DROSHA: variants seen among roughly 807,000 people sequenced by gnomAD.
The protein encoded by DROSHA is drosha ribonuclease III.
DROSHA carries 56 observed loss-of-function variants against 181.9 expected under a neutral mutation model. The ratio of observed to expected loss-of-function variants is 0.31; its 90% CI spans 0.25 to 0.38. The LOEUF (loss-of-function observed/expected upper bound fraction) is 0.38, where lower values mean the gene tolerates loss of function less well. DROSHA is among the 10% of genes least tolerant of loss of function. DROSHA has a pLI of 1.00. For missense variants in DROSHA, 1,218 were observed against 1,743.5 expected (o/e 0.70, Z 5.37); for synonymous variants, 524 against 591.2 (o/e 0.89, Z 1.65).
rs148292550 is a variant in DROSHA, at chr5:31,482,262, G to A, written c.2071+1292C>T. Among the ~76,000 whole-genome samples the A allele has an allele frequency of 4.0e-3, 609 of 152,260 alleles. 4 individuals are homozygous for A. Among genetic ancestry groups the A allele is most frequent in the African/African-American group, 0.014 (582 of 41,562 alleles). On this transcript the variant is annotated intron_variant, in intron 16 of 35. Coordinates refer to ENST00000344624, the MANE Select transcript of DROSHA (RefSeq NM_001382508.1). ...AGTATTACTGAGTGGCCCATATATA[G>A]AAGAAAAGGCAAGCAGTTGGATTGA...
chr5:31,409,398 C>T lies in DROSHA; in HGVS notation c.3668-66G>A, dbSNP rs1165190125. 4 of 1,483,596 alleles carry T rather than the reference C, an allele frequency of 2.7e-6. No individual in the cohort carries two copies. The highest frequency in any genetic ancestry group is 3.6e-6 in the Non-Finnish European group (4 of 1,103,460). 91.9% of individuals were successfully genotyped at this position (1,483,596 alleles called of 1,614,324 possible). ...GCCATCTATCAGAAAGAGTAAGAGA[C>T]CTAGACCTTTAAGCAAAATTTTAGT... On this transcript the variant is annotated intron_variant, in intron 31 of 35. Coordinates refer to ENST00000344624, the MANE Select transcript of DROSHA (RefSeq NM_001382508.1). This position sits in a 1 kb window ranked among gnomAD's most constrained non-coding sequence, Gnocchi z 4.0.
chr5:31,505,053 G>A (rs754643055), intron 10 of DROSHA, among the ~76,000 whole-genome samples: 3 of 152,174 alleles, frequency 2.0e-5, no homozygotes, highest in Non-Finnish European at 4.4e-5. Context: ...GTTTCAAAAA[G>A]AGAAACTGTA....
chr5:31,531,542 G>A lies in DROSHA; in HGVS notation c.-249-17C>T, dbSNP rs764113753. 1 of 152,100 alleles carries A rather than the reference G, an allele frequency of 6.6e-6. No homozygotes were observed. The highest frequency in any genetic ancestry group is 6.5e-5 in the Admixed American group (1 of 15,272). The allele number at this position is 152,100 out of a possible 1,614,324, so 9.4% of individuals were successfully genotyped here. A position where few individuals can be genotyped will look rare whatever the true frequency, so the allele number is the denominator to read the frequency against. On this transcript the variant is annotated splice_polypyrimidine_tract_variant and intron_variant, in intron 1 of 35. Transcript: ENST00000344624. ...AGGAGCTGTCTTGAATAGTTAACAC[G>A]GCCAGAACGTCAGTGCATGTAAAAA...
intron 30 of DROSHA, among the ~76,000 whole-genome samples, chr5:31,413,165 G>A (rs757496746): frequency 2.6e-4 from 39 of 152,160 alleles, no homozygotes; most frequent in Non-Finnish European, 3.4e-4. Context: ...GGTGAAGGAG[G>A]AAAGCAGTGA....
chr5:31,502,952 C>G (rs188069537), intron 11 of DROSHA, among the ~76,000 whole-genome samples: 2 of 152,234 alleles, frequency 1.3e-5, no homozygotes, highest in East Asian at 3.9e-4. Context: ...AGTGACCATG[C>G]TTGCTGGTCA....
At position 31,470,438 on chromosome 5, in the gene DROSHA, C is replaced by T. The variant is rs771547400; in HGVS notation, c.2241+1625G>A. Among the ~76,000 whole-genome samples the T allele has an allele frequency of 1.3e-5, 2 of 151,800 alleles. No individual in the cohort carries two copies. Among genetic ancestry groups the T allele is most frequent in the African/African-American group, 2.4e-5 (1 of 41,312 alleles). On this transcript the variant is annotated intron_variant, in intron 17 of 35. Transcript: ENST00000344624. This position sits in a 1 kb window ranked among gnomAD's most constrained non-coding sequence, Gnocchi z 4.0. ...GCAAGCATCATACATTAGTTTGGTGCAAAAATAGTTGCGGTATGGCAGACC... is the reference window on the plus strand; with the variant it reads ...GCAAGCATCATACATTAGTTTGGTGTAAAAATAGTTGCGGTATGGCAGACC...
intron 20 of DROSHA, among the ~76,000 whole-genome samples, chr5:31,463,815 T>C (rs1371974873): frequency 6.6e-6 from 1 of 152,180 alleles, no homozygotes; most frequent in African/African-American, 2.4e-5. Context: ...GCAATATAAA[T>C]TGCAATGTAA....
chr5:31,506,049 G>A (rs560094551), intron 10 of DROSHA, among the ~76,000 whole-genome samples: 10 of 152,262 alleles, frequency 6.6e-5, no homozygotes, highest in African/African-American at 2.2e-4. Flanking sequence ...AATAAGAGAC[G>A]TAACAGGATT....
chr5:31,438,316 G>A (rs1745139664), intron 23 of DROSHA, among the ~76,000 whole-genome samples: 2 of 152,176 alleles, frequency 1.3e-5, no homozygotes, highest in South Asian at 2.1e-4. Flanking sequence ...GAGAAGCACT[G>A]TGGAGAGGCT....
At chr5:31,466,432 A>G (rs1048683728) in intron 18 of DROSHA, 151 bp from the exon 19 acceptor site, 10 of 658,958 alleles carry the variant, frequency 1.5e-5, no homozygotes, top group Non-Finnish European at 2.3e-5. Context: ...AAGGAAGGCT[A>G]TGACTTTGAG....
chr5:31,467,285 C>T (rs1435510981), intron 18 of DROSHA: 2 of 107,284 alleles, frequency 1.9e-5, no homozygotes, highest in African/African-American at 2.7e-5. Flanking sequence ...ACTATGAATC[C>T]TTTTTAAAAA....
At chr5:31,483,944 T>C (rs1035614056) in intron 15 of DROSHA, among the ~76,000 whole-genome samples, 1 of 152,206 alleles carries the variant, frequency 6.6e-6, no homozygotes, top group Admixed American at 6.5e-5. Context: ...ATAATTGAAT[T>C]ACTGCATGAT....
intron 27 of DROSHA, among the ~76,000 whole-genome samples, chr5:31,427,845 T>C (rs774502522): frequency 6.6e-6 from 1 of 152,192 alleles, no homozygotes; most frequent in Non-Finnish European, 1.5e-5. Context: ...CTACAACTAA[T>C]AGGTGGAAAC....
At chr5:31,428,464 C>T (rs1580056373) in intron 27 of DROSHA, among the ~76,000 whole-genome samples, 1 of 152,152 alleles carries the variant, frequency 6.6e-6, no homozygotes, top group Non-Finnish European at 1.5e-5. Context: ...AATCAAGATG[C>T]ACATGTGTTT....
chr5:31,418,635 G>T (rs947188160), intron 30 of DROSHA, among the ~76,000 whole-genome samples: 1 of 152,132 alleles, frequency 6.6e-6, no homozygotes, highest in Non-Finnish European at 1.5e-5. Context: ...GGCAGCTAGG[G>T]AGGATGTGGG....
chr5:31,430,771 A>T (rs745718209), intron 26 of DROSHA, among the ~76,000 whole-genome samples: 1 of 152,208 alleles, frequency 6.6e-6, no homozygotes, highest in Non-Finnish European at 1.5e-5. Flanking sequence ...ATAATTATTA[A>T]ACATTCTCTT....
At chr5:31,509,301 G>C (rs1026941096) in intron 9 of DROSHA, among the ~76,000 whole-genome samples, 14 of 150,254 alleles carry the variant, frequency 9.3e-5, no homozygotes, top group African/African-American at 3.5e-4. Flanking sequence ...GGGAAGCAAA[G>C]AAAATAAAGA....
chr5:31,494,654 C>A (rs1459702314), intron 12 of DROSHA, among the ~76,000 whole-genome samples: 1 of 151,978 alleles, frequency 6.6e-6, no homozygotes, highest in African/African-American at 2.4e-5. Flanking sequence ...AAAAATGGTA[C>A]AGCCACTTTG....
intron 9 of DROSHA, among the ~76,000 whole-genome samples, chr5:31,510,263 G>GA (rs1174498491): frequency 2.6e-5 from 4 of 152,256 alleles, no homozygotes; most frequent in Middle Eastern, 3.4e-3. Flanking sequence ...TTACAAATGG[G>GA]AAAAATCTAA....
Sources: allele counts gnomAD v4.1 joint callset (sites outside exome capture counted in the v4.1 genomes callset), GRCh38; gene constraint gnomAD v4.1.1; non-coding constraint Gnocchi (gnomAD v3.1); transcripts MANE v1.5; gene names NCBI Gene and HGNC (gene_info 2026-07-23, HGNC 2026-07-21).